VMP1: variants seen among roughly 807,000 people sequenced by gnomAD.
VMP1 encodes ectopic P-granules autophagy protein 3 homolog.
VMP1 carries 11 observed loss-of-function variants against 56.0 expected under a neutral mutation model. The ratio of observed to expected loss-of-function variants is 0.20; its 90% confidence interval spans 0.12 to 0.32. The LOEUF is 0.32. Ranked by LOEUF, VMP1 falls within the 10% of genes least tolerant of loss-of-function variation. The pLI, the probability that VMP1 is intolerant of heterozygous loss-of-function variation, is 1.00. For synonymous variants in VMP1, 149 were observed against 165.0 expected (o/e 0.90, Z 0.74); for missense variants, 296 against 490.3 (o/e 0.60, Z 3.74).
chr17:59,787,564 G>A (rs1351105035), intron 7 of VMP1, among the ~76,000 whole-genome samples: 1 of 152,174 alleles, frequency 6.6e-6, no homozygotes, highest in Non-Finnish European at 1.5e-5. Flanking sequence ...GCTCACGACT[G>A]TAATCCCAGC....
chr17:59,731,628 T>A, intron 2 of VMP1, 106 bp downstream of exon 2: 1 of 782,174 alleles, frequency 1.3e-6, no homozygotes, highest in Non-Finnish European at 1.8e-6. Context: ...AATCTTATAT[T>A]ATCTTCTTAG....
At chr17:59,801,092 ATATAT>A (rs1228226579) in intron 7 of VMP1, among the ~76,000 whole-genome samples, 12 of 66,436 alleles carry the variant, frequency 1.8e-4, no homozygotes, top group African/African-American at 6.0e-4. Context: ...AAAAAAAAAA[ATATAT>A]ATATATATAT....
intron 5 of VMP1, among the ~76,000 whole-genome samples, chr17:59,748,281 G>A (rs1237433225): frequency 1.3e-5 from 2 of 151,590 alleles, no homozygotes; most frequent in Non-Finnish European, 2.9e-5. Context: ...TATGCCCAGT[G>A]TCAGGTGTAA....
intron 10 of VMP1, 91 bp downstream of exon 10, chr17:59,817,864 C>A: frequency 1.9e-6 from 2 of 1,027,300 alleles, no homozygotes; most frequent in Non-Finnish European, 2.8e-6. Flanking sequence ...GAATTTTTGA[C>A]ATAGTTCTTT....
chr17:59,773,624 A>C, intron 6 of VMP1, 130 bp from the exon 7 acceptor site: 1 of 822,426 alleles, frequency 1.2e-6, no homozygotes. Flanking sequence ...TTGATTATGT[A>C]GCATATGCTT....
intron 1 of VMP1, among the ~76,000 whole-genome samples, chr17:59,714,436 G>A (rs2034069409): frequency 6.6e-6 from 1 of 152,016 alleles, no homozygotes; most frequent in Admixed American, 6.6e-5. Flanking sequence ...TGCCACATTA[G>A]GGGTTAAATT....
chr17:59,741,855 C>G (rs1476776989), intron 5 of VMP1, among the ~76,000 whole-genome samples: 1 of 152,224 alleles, frequency 6.6e-6, no homozygotes, highest in African/African-American at 2.4e-5. Flanking sequence ...GATCTTTTGA[C>G]TTGTTCTGCC....
At chr17:59,735,944 G>A (rs187625718) in intron 3 of VMP1, among the ~76,000 whole-genome samples, 1 of 152,256 alleles carries the variant, frequency 6.6e-6, no homozygotes, top group Non-Finnish European at 1.5e-5. Flanking sequence ...GTACCATAAA[G>A]AACAAGTTGA....
chr17:59,741,653 GATATAA>G (rs1298350652), intron 5 of VMP1, among the ~76,000 whole-genome samples: 2 of 152,088 alleles, frequency 1.3e-5, no homozygotes, highest in Admixed American at 6.6e-5. Flanking sequence ...GATGTTATAA[GATATAA>G]ATATATATAG....
intron 10 of VMP1, among the ~76,000 whole-genome samples, chr17:59,824,683 G>T (rs571562215): frequency 6.7e-6 from 1 of 149,364 alleles, no homozygotes; most frequent in Non-Finnish European, 1.5e-5. Context: ...GACCAGCCTG[G>T]CCAACATGGT....
rs1158379523 is a variant in VMP1, at chr17:59,735,481, G to A, written c.212+8G>A. The A allele has an allele frequency of 6.2e-7, 1 of 1,613,772 alleles. No individual in the cohort carries two copies. The highest frequency in any genetic ancestry group is 2.2e-5 in the East Asian group (1 of 44,856). On this transcript the variant is annotated splice_region_variant and intron_variant, in intron 3 of 11. Transcript: ENST00000262291. ...GAAGGAATGGACCTCAAAGTAAAGA[G>A]TCTTCTCCCACTACCTTTTACATAC... is the stretch of plus-strand genomic sequence containing the variant.
At chr17:59,722,468 T>C (rs1351889643) in intron 1 of VMP1, among the ~76,000 whole-genome samples, 3 of 152,228 alleles carry the variant, frequency 2.0e-5, no homozygotes, top group Non-Finnish European at 2.9e-5. Flanking sequence ...AATAATTTTA[T>C]GGTTATGAGC....
rs1409226031 is a variant in VMP1, at chr17:59,808,886, T to C, written c.795+10T>C. The C allele has an allele frequency of 3.1e-6, 5 of 1,611,868 alleles. No individual in the cohort carries two copies. The Admixed American group carries it at 6.7e-5, about 22-fold the overall frequency. On this transcript the variant is annotated intron_variant, in intron 8 of 11. Transcript: ENST00000262291. ...TTTGGCCTGTGCTTCAGTAAGTGAA[T>C]TGTATTAAAACAGAACTTTTACTAA...
chr17:59,754,636 G>A (rs759423897), intron 5 of VMP1, among the ~76,000 whole-genome samples: 4 of 152,068 alleles, frequency 2.6e-5, no homozygotes, highest in Admixed American at 6.6e-5. Flanking sequence ...TTATAACTAT[G>A]GCTATAAGCA....
At chr17:59,788,588 G>T (rs2037095092) in intron 7 of VMP1, among the ~76,000 whole-genome samples, 2 of 151,814 alleles carry the variant, frequency 1.3e-5, no homozygotes, top group Non-Finnish European at 2.9e-5. Context: ...CGGATCACCT[G>T]AGGTCGGAAG....
intron 5 of VMP1, among the ~76,000 whole-genome samples, chr17:59,749,106 C>T (rs897973154): frequency 6.0e-5 from 9 of 150,134 alleles, no homozygotes; most frequent in South Asian, 4.2e-4. Flanking sequence ...CCCGCTACTA[C>T]GCCTGGCTAT....
chr17:59,818,841 G>C (rs957055755), intron 10 of VMP1, among the ~76,000 whole-genome samples: 10 of 152,144 alleles, frequency 6.6e-5, no homozygotes, highest in Non-Finnish European at 1.2e-4. Flanking sequence ...CAGTAGTACA[G>C]CTGCCCCACG....
intron 5 of VMP1, among the ~76,000 whole-genome samples, chr17:59,763,746 C>A (rs923068791): frequency 2.0e-5 from 3 of 152,118 alleles, no homozygotes; most frequent in African/African-American, 7.2e-5. Context: ...ATACACAGAG[C>A]CCACTTACTT....
intron 10 of VMP1, among the ~76,000 whole-genome samples, chr17:59,824,384 C>T (rs1037621542): frequency 1.3e-5 from 2 of 151,186 alleles, no homozygotes; most frequent in South Asian, 2.1e-4. Flanking sequence ...CCAGCCTGGG[C>T]GACCTGATGA....
Sources: allele counts gnomAD v4.1 joint callset (sites outside exome capture counted in the v4.1 genomes callset), GRCh38; gene constraint gnomAD v4.1.1; transcripts MANE v1.5; gene names NCBI Gene and HGNC (gene_info 2026-07-23, HGNC 2026-07-21).